Variants in PSMC3IP observed in about 807,000 individuals in gnomAD.
PSMC3IP encodes the protein PSMC3 interacting protein.
A neutral mutation model predicts 34.9 loss-of-function variants in PSMC3IP; 26 were observed. The observed-to-expected ratio is 0.74, with a 90% confidence interval of 0.55 to 1.03. The LOEUF is 1.03. Among genes scored for constraint, PSMC3IP ranks in the 50% least tolerant of loss-of-function variants. The pLI is 0.00. For synonymous variants in PSMC3IP, 87 were observed against 96.5 expected (o/e 0.90, Z 0.57); for missense variants, 250 against 263.1 (o/e 0.95, Z 0.34).
intron 3 of PSMC3IP, among the ~76,000 whole-genome samples, chr17:42,575,525 T>C (rs767971102): frequency 6.6e-6 from 1 of 152,212 alleles, no homozygotes; most frequent in African/African-American, 2.4e-5. Flanking sequence ...AGTAACACAA[T>C]GCAGCCTGTT....
At position 42,574,114 on chromosome 17, in the gene PSMC3IP, G is replaced by A. The variant is rs1449406882; in HGVS notation, c.322C>T (p.Arg108Cys). Residue 108 changes from arginine (R) to cysteine (C), a missense_variant, in exon 4 of 8, where the codon CGC (arginine) becomes TGC (cysteine). Transcript: ENST00000393795. ...CCAGTCCTACCAGCCTCCATGTAGC[G>A]GCAGCTCTGCTGCAAGCTCTGCACC... ...AKVQSLQQSC[R>C]YMEAELKELS... 2 of 1,614,102 alleles carry A rather than the reference G, an allele frequency of 1.2e-6. No homozygotes were observed. Among genetic ancestry groups the A allele is most frequent in the South Asian group, 1.1e-5 (1 of 91,056 alleles).
At chr17:42,574,901 G>A (rs1027156756) in intron 3 of PSMC3IP, among the ~76,000 whole-genome samples, 5 of 152,062 alleles carry the variant, frequency 3.3e-5, no homozygotes, top group Non-Finnish European at 2.9e-5. Context: ...TTACAGGCGC[G>A]CACCACCAAG....
At chr17:42,577,630 C>G (rs760611782) in intron 1 of PSMC3IP, 23 bp downstream of exon 1, 1 of 1,614,176 alleles carries the variant, frequency 6.2e-7, no homozygotes, top group South Asian at 1.1e-5. Context: ...CCCGGGTCTT[C>G]CCCGCGCCCA....
chr17:42,573,980 A>G, intron 4 of PSMC3IP, 119 bp downstream of exon 4: 2 of 1,547,964 alleles, frequency 1.3e-6, no homozygotes, highest in Non-Finnish European at 1.7e-6. Flanking sequence ...AAGGGAGCCC[A>G]GCAAAGGGGT....
chr17:42,577,432 G>A (rs1370559065), intron 2 of PSMC3IP, 29 bp downstream of exon 2: 1 of 1,612,230 alleles, frequency 6.2e-7, no homozygotes. Context: ...GAGTCCGACG[G>A]AGAGGGAATC....
chr17:42,572,391 A>C lies in PSMC3IP; in HGVS notation c.*577T>G, dbSNP rs2093038041. ...AATTTTGAAATATTAACTGAGCCTC[A>C]AAATCACCCTTTCTGTCAAGCATAT... On this transcript the variant is annotated 3_prime_UTR_variant, in exon 8 of 8. Transcript: ENST00000393795. 1 of 454,494 alleles carries C rather than the reference A, an allele frequency of 2.2e-6. No homozygotes were observed. The highest frequency in any genetic ancestry group is 4.4e-6 in the Non-Finnish European group (1 of 226,776). The allele number at this position is 454,494 out of a possible 1,614,324, so 28.2% of individuals were successfully genotyped here. A position where few individuals can be genotyped will look rare whatever the true frequency, so the allele number is the denominator to read the frequency against.
chr17:42,573,131 G>A lies in PSMC3IP; in HGVS notation c.573C>T (p.Tyr191=), dbSNP rs2093046643. 1.2e-6 allele frequency: 2 copies of A among 1,614,244 alleles called. No homozygotes were observed. Among genetic ancestry groups the A allele is most frequent in the Non-Finnish European group, 1.7e-6 (2 of 1,180,038 alleles). The change falls in exon 7 of 8, where the codon TAC becomes TAT. Residue 191 remains tyrosine (Y), a synonymous_variant. Transcript: ENST00000393795. The stretch of plus-strand genomic sequence containing the variant: ...CAAAGAACTGCTTCTTGCTCTTGGG[G>A]TATCCTTCAAGTATTGCATCAGACA... The part of the protein sequence containing the change: ...TELSDAILEG[Y]PKSKKQFFEE...
At position 42,572,343 on chromosome 17, in the gene PSMC3IP, C is replaced by T. The variant is rs1424548791; in HGVS notation, c.*625G>A. 3 of 454,212 alleles carry T rather than the reference C, an allele frequency of 6.6e-6. No homozygotes were observed. The highest frequency in any genetic ancestry group is 1.3e-5 in the Non-Finnish European group (3 of 226,688). The allele number at this position is 454,212 out of a possible 1,614,324, so 28.1% of individuals were successfully genotyped here. A position where few individuals can be genotyped will look rare whatever the true frequency, so the allele number is the denominator to read the frequency against. On this transcript the variant is annotated 3_prime_UTR_variant, in exon 8 of 8. Transcript: ENST00000393795. ...GGAAATTTTTTATTTTTCTAAATACCAATGCAGTTTTGCTACGGTTACAAT... is the reference window on the plus strand; with the variant it reads ...GGAAATTTTTTATTTTTCTAAATACTAATGCAGTTTTGCTACGGTTACAAT...
intron 3 of PSMC3IP, among the ~76,000 whole-genome samples, chr17:42,575,890 G>T (rs1371079768): frequency 6.6e-6 from 1 of 151,746 alleles, no homozygotes; most frequent in Non-Finnish European, 1.5e-5. Context: ...CTTCGTGGCG[G>T]GTGCCTGTAG....
chr17:42,575,422 G>C lies in PSMC3IP; in HGVS notation c.226-1212C>G, dbSNP rs551002805. 3.5e-3 allele frequency among the ~76,000 whole-genome samples: 535 copies of C among 152,320 alleles called. 2 individuals are homozygous for C. The highest frequency in any genetic ancestry group is 5.8e-3 in the Non-Finnish European group (396 of 68,032). On this transcript the variant is annotated intron_variant, in intron 3 of 7. Coordinates refer to ENST00000393795, the MANE Select transcript of PSMC3IP (RefSeq NM_016556.4). ...GCAGTTGTACAGCCAGCCATGACAA[G>C]AGATACATATGGCCCACAAATCCTA...
In PSMC3IP at chr17:42,573,695, C is replaced by A. The variant is rs1328731456; in HGVS notation, c.338-72G>T. 7 of 1,580,402 alleles carry A rather than the reference C, an allele frequency of 4.4e-6. No individual in the cohort carries two copies. In the Admixed American group the frequency reaches 1.0e-4, roughly 23 times the overall value. On this transcript the variant is annotated intron_variant, in intron 4 of 7. Coordinates refer to ENST00000393795, the MANE Select transcript of PSMC3IP (RefSeq NM_016556.4). ...GTTCTGTCTTTCCCAGTGGGTGCTC[C>A]CTGAGGTGTTCCACCTTGCTCTGGA...
intron 4 of PSMC3IP, 83 bp from the exon 5 acceptor site, chr17:42,573,706 C>T: frequency 6.4e-7 from 1 of 1,564,834 alleles, no homozygotes. Flanking sequence ...CTGAGGTGTT[C>T]CACCTTGCTC....
At position 42,573,533 on chromosome 17, in the gene PSMC3IP, C is replaced by T. The variant is rs2093051807; in HGVS notation, c.428G>A (p.Arg143Lys). 2 of 1,614,216 alleles carry T rather than the reference C, an allele frequency of 1.2e-6. No homozygotes were observed. The highest frequency in any genetic ancestry group is 1.3e-5 in the African/African-American group (1 of 75,050). ...GGTAGCTGCTTTAATGTTCTTCAATCTCTCTCTGTAGCCAGCGCATTCCTT... is the reference window on the plus strand; with the variant it reads ...GGTAGCTGCTTTAATGTTCTTCAATTTCTCTCTGTAGCCAGCGCATTCCTT... ...LKKECAGYRE[R>K]LKNIKAATNH... The change falls in exon 5 of 8, where the codon AGA (arginine) becomes AAA (lysine). Residue 143 changes from arginine to lysine, a missense_variant. Physicochemically the swap from Arg to Lys is conservative, Grantham distance 26. Transcript: ENST00000393795.
At chr17:42,573,910 A>G (rs1343947307) in intron 4 of PSMC3IP, 189 bp downstream of exon 4, 21 of 1,532,252 alleles carry the variant, frequency 1.4e-5, no homozygotes, top group Non-Finnish European at 1.4e-5. Flanking sequence ...ACAAATGCGT[A>G]TCTTGTCCAT....
In PSMC3IP at chr17:42,573,578, T is replaced by G; in HGVS notation, c.383A>C (p.Lys128Thr). ...TTCCTTCTTTAACTCCTGGATTTCT[T>G]TCTGCATCTCTGGTGTGGTCAGGGC... ...SSALTTPEMQ[K>T]EIQELKKECA... is the part of the protein sequence containing the mutation. The change falls in exon 5 of 8, where the codon AAA becomes ACA. Residue 128 changes from lysine (K) to threonine (T), a missense_variant. Transcript: ENST00000393795. The G allele has an allele frequency of 6.2e-7, 1 of 1,614,218 alleles. No homozygotes were observed. The highest frequency in any genetic ancestry group is 8.5e-7 in the Non-Finnish European group (1 of 1,180,020).
intron 3 of PSMC3IP, among the ~76,000 whole-genome samples, chr17:42,574,759 C>T (rs1376641657): frequency 8.4e-6 from 1 of 119,662 alleles, no homozygotes. Context: ...CTTTCTCCCT[C>T]CCTTCCCTCT....
rs957062805 is a variant in PSMC3IP at position 42,574,259 on chromosome 17, G to C, written c.226-49C>G. 6.9e-6 allele frequency: 11 copies of C among 1,589,204 alleles called. No individual in the cohort carries two copies. The Admixed American group carries it at 1.1e-4, about 16-fold the overall frequency. ...CAAGTGAACTGTTGTGAGGCACAAA[G>C]ATGGGAACACACACCTGGGAAGGCA... On this transcript the variant is annotated intron_variant, in intron 3 of 7. Coordinates refer to ENST00000393795, the MANE Select transcript of PSMC3IP (RefSeq NM_016556.4).
rs772657220 is a variant in PSMC3IP at position 42,573,163 on chromosome 17, T to C, written c.541A>G (p.Thr181Ala). 10 of 1,614,226 alleles carry C rather than the reference T, an allele frequency of 6.2e-6. No individual in the cohort carries two copies. Among genetic ancestry groups the C allele is most frequent in the Admixed American group, 5.0e-5 (3 of 60,028 alleles). ...KEWRKRKRMA[T>A]ELSDAILEGY... is the part of the protein sequence containing the mutation. ...TCAAGTATTGCATCAGACAGCTCTG[T>C]AGCCTGACAAGAAATAAAACCACCC... The change falls in exon 7 of 8, where the codon ACA becomes GCA. Residue 181 changes from threonine to alanine, a missense_variant. Transcript: ENST00000393795.
rs576891859 is a variant in PSMC3IP at position 42,572,800 on chromosome 17, C to T, written c.*168G>A. Reference sequence around the variant, plus strand: ...GGGTCTACCCCCAGCCACCAGCCCTCATCCTCTCTACCCAGTGCTCTGGTT... The same window carrying T: ...GGGTCTACCCCCAGCCACCAGCCCTTATCCTCTCTACCCAGTGCTCTGGTT... On this transcript the variant is annotated 3_prime_UTR_variant, in exon 8 of 8. Transcript: ENST00000393795. 61 of 804,906 alleles carry T rather than the reference C, an allele frequency of 7.6e-5. No homozygotes were observed. The African/African-American group carries it at 8.8e-4, about 12-fold the overall frequency. 49.9% of individuals were successfully genotyped at this position (804,906 alleles called of 1,614,324 possible).
Sources: gnomAD v4.1 joint callset for allele counts (sites outside exome capture counted in the v4.1 genomes callset) on GRCh38, gnomAD v4.1.1 for gene constraint, MANE v1.5 for transcripts, NCBI Gene and HGNC (gene_info 2026-07-23, HGNC 2026-07-21) for gene names.